DHRSX: variants seen among roughly 807,000 people sequenced by gnomAD.
DHRSX encodes polyprenol dehydrogenase.
DHRSX carries 31 observed loss-of-function variants against 34.0 expected under a neutral mutation model. The observed-to-expected ratio is 0.91, with a 90% CI of 0.69 to 1.23. The LOEUF is 1.23. DHRSX is among the 50% of genes most tolerant of loss of function. DHRSX has a pLI of 0.00. For missense variants in DHRSX, 414 were observed against 428.1 expected, an observed-to-expected ratio of 0.97 and a Z score of 0.29; for synonymous variants, 201 against 183.8, an observed-to-expected ratio of 1.09 and a Z score of -0.76.
chrX:2,265,338 A>G (rs1338027056), intron 5 of DHRSX, among the ~76,000 whole-genome samples: 2 of 58,182 alleles, frequency 3.4e-5, no homozygotes. Flanking sequence ...CGCAGGGAGC[A>G]CTGTCCCCAG....
intron 4 of DHRSX, among the ~76,000 whole-genome samples, chrX:2,282,502 TAGAG>T (rs201352911): frequency 0.16 from 20,271 of 128,762 alleles, 1,925 homozygotes; most frequent in Middle Eastern, 0.23. Context: ...ACAAAGGAGA[TAGAG>T]AGACAAGGGG....
At chrX:2,274,950 G>C (rs2041605190) in intron 4 of DHRSX, among the ~76,000 whole-genome samples, 1 of 152,066 alleles carries the variant, frequency 6.6e-6, no homozygotes, top group Non-Finnish European at 1.5e-5. Flanking sequence ...GATTGGATGG[G>C]TGCCTGAGAT....
At chrX:2,457,984 G>C (rs191208285) in intron 1 of DHRSX, among the ~76,000 whole-genome samples, 1 of 149,458 alleles carries the variant, frequency 6.7e-6, no homozygotes, top group Non-Finnish European at 1.5e-5. Flanking sequence ...AGGGACCACC[G>C]CAGTGTGCAC....
chrX:2,294,664 C>CAAAA (rs780753194), intron 3 of DHRSX, among the ~76,000 whole-genome samples: 2 of 129,184 alleles, frequency 1.5e-5, no homozygotes, highest in Non-Finnish European at 3.2e-5. Context: ...GACTCTGTCT[C>CAAAA]AAAAAAAAAA....
At chrX:2,437,845 A>G (rs2044013846) in intron 1 of DHRSX, among the ~76,000 whole-genome samples, 1 of 152,034 alleles carries the variant, frequency 6.6e-6, no homozygotes, top group Non-Finnish European at 1.5e-5. Context: ...TTAGGTTCTT[A>G]TAGAAGAAAG....
chrX:2,396,371 T>C (rs1371643464), intron 3 of DHRSX, among the ~76,000 whole-genome samples: 2 of 101,866 alleles, frequency 2.0e-5, no homozygotes, highest in African/African-American at 3.5e-5. Flanking sequence ...CTTTCTTTCT[T>C]TTTCTTTTTT....
chrX:2,475,664 C>T (rs977514904), intron 1 of DHRSX, among the ~76,000 whole-genome samples: 1 of 151,804 alleles, frequency 6.6e-6, no homozygotes, highest in African/African-American at 2.4e-5. Flanking sequence ...CGTGTACACA[C>T]TGAACACGTT....
intron 2 of DHRSX, among the ~76,000 whole-genome samples, 158 bp downstream of exon 2, chrX:2,425,039 C>T (rs5939259): frequency 0.14 from 21,846 of 151,578 alleles, 1,761 homozygotes; most frequent in African/African-American, 0.21. Context: ...ACTCGGGAGG[C>T]TGAGGTAGGA....
chrX:2,330,188 G>A (rs946049965), intron 3 of DHRSX, among the ~76,000 whole-genome samples: 11 of 146,556 alleles, frequency 7.5e-5, no homozygotes, highest in Admixed American at 1.4e-4. Flanking sequence ...AGGAGGAGAA[G>A]CAGGAGGAGG....
intron 2 of DHRSX, among the ~76,000 whole-genome samples, chrX:2,419,410 C>A (rs1442248056): frequency 6.6e-6 from 1 of 152,042 alleles, no homozygotes; most frequent in Non-Finnish European, 1.5e-5. Flanking sequence ...GTCAGTGTGG[C>A]GATTCCTCAG....
At chrX:2,454,578 G>C (rs999766625) in intron 1 of DHRSX, among the ~76,000 whole-genome samples, 2 of 149,774 alleles carry the variant, frequency 1.3e-5, no homozygotes, top group Admixed American at 1.3e-4. Context: ...TGTGAAAAAA[G>C]ATCTCCAATA....
At chrX:2,367,431 G>A (rs1232528075) in intron 3 of DHRSX, among the ~76,000 whole-genome samples, 1 of 141,596 alleles carries the variant, frequency 7.1e-6, no homozygotes, top group Non-Finnish European at 1.5e-5. Flanking sequence ...GAGCAAGACT[G>A]TCTCAAAAAA....
At chrX:2,442,571 C>T (rs1474923015) in intron 1 of DHRSX, among the ~76,000 whole-genome samples, 1 of 151,704 alleles carries the variant, frequency 6.6e-6, no homozygotes, top group African/African-American at 2.4e-5. Flanking sequence ...TCATGCTGGC[C>T]GGTAAACAAC....
At chrX:2,345,680 A>G (rs1049331923) in intron 3 of DHRSX, among the ~76,000 whole-genome samples, 3 of 149,918 alleles carry the variant, frequency 2.0e-5, no homozygotes, top group Non-Finnish European at 3.0e-5. Flanking sequence ...AAAAATCTAA[A>G]TCAGTACACT....
chrX:2,347,012 G>C (rs1376908436), intron 3 of DHRSX, among the ~76,000 whole-genome samples: 3 of 152,138 alleles, frequency 2.0e-5, no homozygotes, highest in East Asian at 1.9e-4. Flanking sequence ...GTATTCCATG[G>C]TGTCTCTGTG....
At chrX:2,489,559 C>T in intron 1 of DHRSX, 1 of 1,612,746 alleles carries the variant, frequency 6.2e-7, no homozygotes, top group Non-Finnish European at 8.5e-7. Flanking sequence ...ACTCGCTGGC[C>T]TCCAGCATGA....
At chrX:2,418,115 C>T (rs1297486556) in intron 2 of DHRSX, among the ~76,000 whole-genome samples, 2 of 152,018 alleles carry the variant, frequency 1.3e-5, no homozygotes, top group Non-Finnish European at 2.9e-5. Context: ...TCATCATCAC[C>T]TAAATAAGTC....
At position 2,489,952 on chromosome X, in the gene DHRSX, G is replaced by A. The variant is rs141687518; in HGVS notation, c.109+10865C>T. ...AGACCTTGGCGCTGATGCCCCACTCGATGAAGACCTCATAGAGCACTCGCG... is the reference window on the plus strand; with the variant it reads ...AGACCTTGGCGCTGATGCCCCACTCAATGAAGACCTCATAGAGCACTCGCG... On this transcript the variant is annotated intron_variant, in intron 1 of 6. Transcript: ENST00000334651. 2.4e-5 allele frequency: 39 copies of A among 1,613,900 alleles called. 1 individual carries two copies. The African/African-American group carries it at 4.5e-4, about 19-fold the overall frequency.
At chrX:2,391,790 G>A (rs2043338237) in intron 3 of DHRSX, among the ~76,000 whole-genome samples, 1 of 152,072 alleles carries the variant, frequency 6.6e-6, no homozygotes, top group African/African-American at 2.4e-5. Context: ...AGCTGGGTGT[G>A]GTGGGACACA....
Sources: gnomAD v4.1 joint callset for allele counts (sites outside exome capture counted in the v4.1 genomes callset) on GRCh38, gnomAD v4.1.1 for gene constraint, MANE v1.5 for transcripts, NCBI Gene and HGNC (gene_info 2026-07-23, HGNC 2026-07-21) for gene names.